PBX1: variants seen among roughly 807,000 people sequenced by gnomAD.
The protein encoded by PBX1 is pre-B-cell leukemia transcription factor 1.
Under a neutral mutation model 53.4 loss-of-function variants are expected in PBX1, and 6 were observed. That is an observed-to-expected ratio of 0.11 (90% confidence interval 0.06 to 0.22). PBX1 has a LOEUF of 0.22. Among genes scored for constraint, PBX1 ranks in the 10% least tolerant of loss-of-function variants. The pLI is 1.00. For missense variants in PBX1, 251 were observed against 551.4 expected, an observed-to-expected ratio of 0.46 and a Z score of 5.46; for synonymous variants, 204 against 212.3, an observed-to-expected ratio of 0.96 and a Z score of 0.34.
At chr1:164,560,460 C>A in intron 1 of PBX1, 1 of 341,438 alleles carries the variant, frequency 2.9e-6, no homozygotes, top group Non-Finnish European at 5.2e-6. Flanking sequence ...ACTTTATTTG[C>A]AAATTTAGTT....
chr1:164,870,963 C>A (rs1172680709), intron 2 of PBX1, among the ~76,000 whole-genome samples: 1 of 152,040 alleles, frequency 6.6e-6, no homozygotes, highest in Admixed American at 6.6e-5. Context: ...CCTTTTCACA[C>A]CTGTCAACGA....
chr1:164,677,329 T>G (rs888959603), intron 2 of PBX1, among the ~76,000 whole-genome samples: 3 of 151,036 alleles, frequency 2.0e-5, no homozygotes, highest in Non-Finnish European at 2.9e-5. Context: ...CCTGACCTCA[T>G]GATCCACCCG....
rs1671808326 is a variant in PBX1 at position 164,850,961 on chromosome 1, T to C, written c.*4285T>C. ...TCTTCCAGGAGAGTCCCGCAGGAGA[T>C]GCTGGTATGATGGGCACCATTGGTT... On this transcript the variant is annotated 3_prime_UTR_variant, in exon 9 of 9. Coordinates refer to ENST00000420696, the MANE Select transcript of PBX1 (RefSeq NM_002585.4). 1 of 217,162 alleles carries C rather than the reference T, an allele frequency of 4.6e-6. No homozygotes were observed. The highest frequency in any genetic ancestry group is 6.8e-5 in the East Asian group (1 of 14,800). The allele number at this position is 217,162 out of a possible 1,614,324, so 13.5% of individuals were successfully genotyped here.
At position 164,848,821 on chromosome 1, in the gene PBX1, T is replaced by C. The variant is rs1040868431; in HGVS notation, c.*2145T>C. ...TTCTGCTTGGCACTACAGTCATAAA[T>C]AGAAAACACTGTGTGTGCTCAGGGG... On this transcript the variant is annotated 3_prime_UTR_variant, in exon 9 of 9. Transcript: ENST00000420696. 4.7e-6 allele frequency: 5 copies of C among 1,063,380 alleles called. No individual in the cohort carries two copies. Among genetic ancestry groups the C allele is most frequent in the Non-Finnish European group, 5.7e-6 (5 of 878,298 alleles). 65.9% of individuals were successfully genotyped at this position (1,063,380 alleles called of 1,614,324 possible).
At chr1:164,782,823 G>A (rs943639951) in intron 2 of PBX1, among the ~76,000 whole-genome samples, 2 of 152,174 alleles carry the variant, frequency 1.3e-5, no homozygotes, top group African/African-American at 4.8e-5. Context: ...GCAAGTCGTT[G>A]TAATATTTCA....
chr1:164,794,281 T>C (rs1668681269), intron 3 of PBX1, among the ~76,000 whole-genome samples: 1 of 152,204 alleles, frequency 6.6e-6, no homozygotes, highest in South Asian at 2.1e-4. Context: ...GCAAACTTAA[T>C]AGAAAATTTA....
intron 2 of PBX1, among the ~76,000 whole-genome samples, chr1:164,667,947 T>C (rs1472736452): frequency 6.6e-6 from 1 of 152,214 alleles, no homozygotes; most frequent in African/African-American, 2.4e-5. Context: ...CAGGCTGTCC[T>C]GGCTGTACAC....
At chr1:164,698,606 A>G (rs975400990) in intron 2 of PBX1, among the ~76,000 whole-genome samples, 3 of 152,090 alleles carry the variant, frequency 2.0e-5, no homozygotes, top group Non-Finnish European at 4.4e-5. Flanking sequence ...CTAGCAGAGG[A>G]TATCTGTGTA....
chr1:164,700,656 GT>G, intron 2 of PBX1: 1 of 985,352 alleles, frequency 1.0e-6, no homozygotes, highest in Non-Finnish European at 1.2e-6. Context: ...ATCGTGTCAG[GT>G]GGAGACCCTG....
intron 2 of PBX1, among the ~76,000 whole-genome samples, chr1:164,581,330 T>G (rs997518396): frequency 6.6e-6 from 1 of 150,818 alleles, no homozygotes; most frequent in East Asian, 2.0e-4. Flanking sequence ...CGGGTTCAAG[T>G]GATTCTTCTG....
At chr1:164,654,174 A>G (rs542690910) in intron 2 of PBX1, among the ~76,000 whole-genome samples, 2 of 152,326 alleles carry the variant, frequency 1.3e-5, no homozygotes, top group East Asian at 3.9e-4. Context: ...TGGGGACAAT[A>G]TGAAAAACTT....
intron 2 of PBX1, among the ~76,000 whole-genome samples, chr1:164,776,011 G>T (rs957744875): frequency 1.3e-5 from 2 of 152,122 alleles, no homozygotes; most frequent in Admixed American, 1.3e-4. Context: ...CTAATAATCG[G>T]TTTGTCAGCT....
rs867223594 is a variant in PBX1 at position 164,846,914 on chromosome 1, C to T, written c.*238C>T. ...GCCACCCTTCCCTGCCTCCAGCTGTCAGCCTGGTTTTCGTCATCTTCCCTG... is the reference window on the plus strand; with the variant it reads ...GCCACCCTTCCCTGCCTCCAGCTGTTAGCCTGGTTTTCGTCATCTTCCCTG... On this transcript the variant is annotated 3_prime_UTR_variant, in exon 9 of 9. Transcript: ENST00000420696. 7.3e-7 allele frequency: 1 copy of T among 1,369,704 alleles called. No homozygotes were observed. The highest frequency in any genetic ancestry group is 1.4e-5 in the African/African-American group (1 of 69,090). The allele number at this position is 1,369,704 out of a possible 1,614,324, so 84.8% of individuals were successfully genotyped here. A position where few individuals can be genotyped will look rare whatever the true frequency, so the allele number is the denominator to read the frequency against.
intron 2 of PBX1, among the ~76,000 whole-genome samples, chr1:164,787,971 G>A (rs1050190326): frequency 3.3e-5 from 5 of 152,184 alleles, no homozygotes; most frequent in Non-Finnish European, 5.9e-5. Context: ...GGTAGTGGAC[G>A]CGTCCGGGCC....
At chr1:164,734,217 A>G (rs1315533061) in intron 2 of PBX1, among the ~76,000 whole-genome samples, 1 of 152,206 alleles carries the variant, frequency 6.6e-6, no homozygotes, top group Non-Finnish European at 1.5e-5. Flanking sequence ...TTCTCCAAGA[A>G]TTTAGTTGTA....
intron 2 of PBX1, among the ~76,000 whole-genome samples, chr1:164,744,065 C>G (rs1166368522): frequency 1.3e-5 from 2 of 152,124 alleles, no homozygotes; most frequent in Non-Finnish European, 2.9e-5. Flanking sequence ...GATTACTTCA[C>G]TTCCACATTT....
chr1:164,568,744 G>A (rs570042988), intron 2 of PBX1, among the ~76,000 whole-genome samples: 23 of 152,110 alleles, frequency 1.5e-4, no homozygotes, highest in Non-Finnish European at 2.1e-4. Context: ...GTAATCGATC[G>A]TCGCTCATGA....
chr1:164,874,032 A>G (rs1279347765), intron 2 of PBX1, among the ~76,000 whole-genome samples: 4 of 150,748 alleles, frequency 2.7e-5, no homozygotes, highest in South Asian at 2.1e-4. Context: ...AAAAAGAGGC[A>G]TGAAAGGAGA....
intron 2 of PBX1, among the ~76,000 whole-genome samples, chr1:164,789,278 T>C (rs761628098): frequency 2.6e-5 from 4 of 152,188 alleles, no homozygotes; most frequent in Admixed American, 6.5e-5. Context: ...TGTTTGTGCT[T>C]CCCATTGACT....
Sources: gnomAD v4.1 joint callset for allele counts (sites outside exome capture counted in the v4.1 genomes callset) on GRCh38, gnomAD v4.1.1 for gene constraint, MANE v1.5 for transcripts, NCBI Gene and HGNC (gene_info 2026-07-23, HGNC 2026-07-21) for gene names.